The following CLEC19A variants were observed in gnomAD, a reference collection of about 807,000 sequenced individuals.
CLEC19A encodes C-type lectin domain family 19 member A.
In CLEC19A, 21 loss-of-function variants were observed where a neutral mutation model predicts 26.1. The ratio of observed to expected loss-of-function variants is 0.80; its 90% confidence interval spans 0.57 to 1.16. The LOEUF (loss-of-function observed/expected upper bound fraction) is 1.16, where lower values mean the gene tolerates loss of function less well. Ranked by LOEUF, CLEC19A falls within the 50% of genes most tolerant of loss-of-function variation. CLEC19A has a pLI of 0.00. For missense variants in CLEC19A, 224 were observed against 227.6 expected, an observed-to-expected ratio of 0.98 and a Z score of 0.10; for synonymous variants, 89 against 88.6, an observed-to-expected ratio of 1.00 and a Z score of -0.03.
chr16:19,287,647 C>A (rs1466453464), intron 1 of CLEC19A, among the ~76,000 whole-genome samples: 1 of 152,152 alleles, frequency 6.6e-6, no homozygotes, highest in East Asian at 1.9e-4. Flanking sequence ...GGGGCCAAGA[C>A]TGAGTTTGAA....
At position 19,308,985 on chromosome 16, in the gene CLEC19A, C is replaced by G; in HGVS notation, c.482-19C>G. 1 of 1,545,980 alleles carries G rather than the reference C, an allele frequency of 6.5e-7. No individual in the cohort carries two copies. The highest frequency in any genetic ancestry group is 8.7e-7 in the Non-Finnish European group (1 of 1,144,674). On this transcript the variant is annotated intron_variant, in intron 4 of 4. Transcript: ENST00000636231. ...GCGGATGGATTTTCACCCAGATTCT[C>G]TGCTTCTTTCCATCACAGCTCTGAG...
chr16:19,301,756 T>TTG (rs1897837757), intron 2 of CLEC19A, among the ~76,000 whole-genome samples: 2 of 132,496 alleles, frequency 1.5e-5, no homozygotes, highest in South Asian at 2.5e-4. Flanking sequence ...TTTTTTTTTT[T>TTG]TTTTTTTTGT....
rs933359190 is a variant in CLEC19A at position 19,287,589 on chromosome 16, G to A, written c.88+1650G>A. Among the ~76,000 whole-genome samples, 6 of 152,268 alleles carry A rather than the reference G, an allele frequency of 3.9e-5. No individual in the cohort carries two copies. In the South Asian group the frequency reaches 8.3e-4, roughly 21 times the overall value. On this transcript the variant is annotated intron_variant, in intron 1 of 4. Transcript: ENST00000636231. Reference sequence around the variant, plus strand: ...TGAACAAAATATCCTTGCAGACTGCGCCTCGTATATCCCAAGATCTTGCCT... The same window carrying A: ...TGAACAAAATATCCTTGCAGACTGCACCTCGTATATCCCAAGATCTTGCCT...
At chr16:19,301,751 T>TTG (rs1897836066) in intron 2 of CLEC19A, among the ~76,000 whole-genome samples, 1 of 133,034 alleles carries the variant, frequency 7.5e-6, no homozygotes, top group Non-Finnish European at 1.6e-5. Flanking sequence ...TTTTTTTTTT[T>TTG]TTTTTTTTTT....
intron 3 of CLEC19A, 23 bp downstream of exon 3, chr16:19,304,178 G>A (rs1402066240): frequency 1.3e-6 from 2 of 1,540,836 alleles, no homozygotes; most frequent in East Asian, 2.4e-5. Context: ...TGGCCATTGG[G>A]CCCCCTTGGA....
intron 1 of CLEC19A, among the ~76,000 whole-genome samples, chr16:19,296,205 G>C (rs1416256596): frequency 1.3e-5 from 2 of 152,234 alleles, no homozygotes; most frequent in African/African-American, 2.4e-5. Context: ...GTTGGGGACA[G>C]GCTGTTCTGG....
chr16:19,303,865 G>C, intron 2 of CLEC19A, 197 bp from the exon 3 acceptor site: 1 of 542,464 alleles, frequency 1.8e-6, no homozygotes, highest in Non-Finnish European at 3.3e-6. Flanking sequence ...TCTTTGAACT[G>C]GCATAGGTCA....
chr16:19,287,281 C>T (rs1043778505), intron 1 of CLEC19A, among the ~76,000 whole-genome samples: 4 of 152,152 alleles, frequency 2.6e-5, no homozygotes, highest in Admixed American at 6.5e-5. Flanking sequence ...TGCAGATGGC[C>T]GCCTTCTCAC....
intron 1 of CLEC19A, among the ~76,000 whole-genome samples, chr16:19,291,742 A>C (rs1359056293): frequency 1.3e-5 from 2 of 152,214 alleles, no homozygotes; most frequent in Non-Finnish European, 2.9e-5. Context: ...GGAGGGGGAA[A>C]TGCCGTGCAG....
intron 1 of CLEC19A, among the ~76,000 whole-genome samples, chr16:19,295,702 T>C (rs558025633): frequency 6.6e-5 from 10 of 152,220 alleles, no homozygotes; most frequent in African/African-American, 1.7e-4. Context: ...CATGGATGAG[T>C]GTCCTTGGTT....
chr16:19,296,617 G>A (rs1364071375), intron 1 of CLEC19A, among the ~76,000 whole-genome samples: 3 of 152,190 alleles, frequency 2.0e-5, no homozygotes, highest in African/African-American at 7.2e-5. Context: ...GAGTTGGGAA[G>A]CCTAGGTTCA....
chr16:19,301,151 T>A (rs537495076), intron 2 of CLEC19A, among the ~76,000 whole-genome samples: 3 of 152,188 alleles, frequency 2.0e-5, no homozygotes, highest in African/African-American at 7.2e-5. Context: ...GCAAAAGTGA[T>A]TCCAAATCAA....
chr16:19,303,736 A>C (rs1897884505), intron 2 of CLEC19A: 1 of 213,770 alleles, frequency 4.7e-6, no homozygotes, highest in Non-Finnish European at 9.6e-6. Flanking sequence ...TGATGTATGC[A>C]ATGCAATGTA....
intron 1 of CLEC19A, among the ~76,000 whole-genome samples, chr16:19,288,224 A>C (rs528929813): frequency 6.6e-6 from 1 of 152,192 alleles, no homozygotes; most frequent in Admixed American, 6.5e-5. Flanking sequence ...CTATGCAGAT[A>C]GATTCTCTAG....
At chr16:19,297,374 G>A (rs547228429) in intron 1 of CLEC19A, among the ~76,000 whole-genome samples, 2 of 152,176 alleles carry the variant, frequency 1.3e-5, no homozygotes, top group Non-Finnish European at 2.9e-5. Context: ...ATAACACTGA[G>A]CTCTGGCAAG....
chr16:19,304,210 T>C (rs913404564), intron 3 of CLEC19A, 55 bp downstream of exon 3: 4 of 1,446,696 alleles, frequency 2.8e-6, no homozygotes, highest in Non-Finnish European at 3.8e-6. Context: ...GGATTCTATT[T>C]TGATTTAATA....
intron 1 of CLEC19A, among the ~76,000 whole-genome samples, chr16:19,287,967 C>T (rs1482669816): frequency 6.6e-6 from 1 of 152,208 alleles, no homozygotes; most frequent in Non-Finnish European, 1.5e-5. Flanking sequence ...GAACATCAGT[C>T]CCCAAGCCTC....
Position 19,309,292 on chromosome 16 carries a change from G to GTTT in CLEC19A, c.*218_*220dup. ...TCAAATTGGCTTAATTTTTTAAAGT[G>GTTT]TTTTTTTTTTTAAATTGACCCAAGT... On this transcript the variant is annotated 3_prime_UTR_variant, in exon 5 of 5. Coordinates refer to ENST00000636231, the MANE Select transcript of CLEC19A (RefSeq NM_001256720.2). 5.0e-6 allele frequency: 2 copies of GTTT among 402,698 alleles called. No homozygotes were observed. Among genetic ancestry groups the GTTT allele is most frequent in the Non-Finnish European group, 8.8e-6 (2 of 226,078 alleles). The allele number at this position is 402,698 out of a possible 1,614,324, so 24.9% of individuals were successfully genotyped here. A position where few individuals can be genotyped will look rare whatever the true frequency, so the allele number is the denominator to read the frequency against.
intron 1 of CLEC19A, among the ~76,000 whole-genome samples, chr16:19,292,388 AC>A (rs1897609217): frequency 6.6e-6 from 1 of 152,004 alleles, no homozygotes; most frequent in South Asian, 2.1e-4. Context: ...GGATCTGGCA[AC>A]CTCTGCTTTC....
Sources: gnomAD v4.1 joint callset for allele counts (sites outside exome capture counted in the v4.1 genomes callset) on GRCh38, gnomAD v4.1.1 for gene constraint, MANE v1.5 for transcripts, NCBI Gene and HGNC (gene_info 2026-07-23, HGNC 2026-07-21) for gene names.